The following GPR141 variants were observed in gnomAD, a reference collection of about 807,000 sequenced individuals.
GPR141 encodes probable G protein-coupled receptor 141.
Under a neutral mutation model 6.8 loss-of-function variants are expected in GPR141, and 6 were observed. That is an observed-to-expected ratio of 0.88 (90% confidence interval 0.48 to 1.74). The LOEUF is 1.74. Among genes scored for constraint, GPR141 ranks in the 40% most tolerant of loss-of-function variants. The probability of loss-of-function intolerance (pLI) is 0.01; values close to 1 mark genes in which losing one functional copy is unlikely to be tolerated. For synonymous variants in GPR141, 140 were observed against 142.3 expected (o/e 0.98, Z 0.11); for missense variants, 372 against 372.9 (o/e 1.00, Z 0.02).
chr7:37,695,794 A>C (rs1297696608), intron 2 of GPR141, among the ~76,000 whole-genome samples: 5 of 152,076 alleles, frequency 3.3e-5, no homozygotes, highest in Non-Finnish European at 7.4e-5. Flanking sequence ...TTCTCTTTAA[A>C]CACTTATGTA....
chr7:37,685,668 C>G (rs1809473595), intron 2 of GPR141, 85 bp downstream of exon 2: 1 of 150,620 alleles, frequency 6.6e-6, no homozygotes, highest in African/African-American at 2.4e-5. Flanking sequence ...AGGTTAGTCT[C>G]AAACTCCTGG....
intron 1 of GPR141, chr7:37,685,149 G>A (rs193297196): frequency 6.6e-6 from 1 of 152,150 alleles, no homozygotes; most frequent in Non-Finnish European, 1.5e-5. Flanking sequence ...CTTTGGCTTA[G>A]GTGACACAAT....
chr7:37,726,356 G>A lies in GPR141; in HGVS notation c.-14-14024G>A, dbSNP rs571625973. 1.9e-4 allele frequency among the ~76,000 whole-genome samples: 29 copies of A among 152,224 alleles called. No individual in the cohort carries two copies. The East Asian group carries it at 5.2e-3, about 27-fold the overall frequency. ...TGCTGAGTTGGGAATAGGGGAGTTA[G>A]GAGTAAAAAATGGGAGAATTCATGG... On this transcript the variant is annotated intron_variant, in intron 2 of 2. Coordinates refer to ENST00000334425, the MANE Select transcript of GPR141 (RefSeq NM_001381946.1).
In GPR141 at chr7:37,740,838, C is replaced by T. The variant is rs545002848; in HGVS notation, c.445C>T (p.Pro149Ser). Residue 149 changes from proline to serine, a missense_variant, in exon 3 of 3, where the codon CCC (proline) becomes TCC (serine). Physicochemically the swap from Pro to Ser is moderately conservative, Grantham distance 74. Transcript: ENST00000334425. ...MWTLVIVIVV[P>S]LVVSRYGIHE... ...GACGCTGGTGATTGTCATTGTGGTA[C>T]CCCTGGTTGTCTCCCGGTATGGAAT... 36 of 1,614,112 alleles carry T rather than the reference C, an allele frequency of 2.2e-5. No individual in the cohort carries two copies. In the South Asian group the frequency reaches 3.6e-4, roughly 16 times the overall value.
At chr7:37,702,588 T>A (rs1810327789) in intron 2 of GPR141, among the ~76,000 whole-genome samples, 1 of 151,654 alleles carries the variant, frequency 6.6e-6, no homozygotes, top group African/African-American at 2.4e-5. Flanking sequence ...AGACAGAAAG[T>A]CCCCCCAGGA....
chr7:37,690,222 G>C (rs574400866), intron 2 of GPR141, among the ~76,000 whole-genome samples: 1 of 151,524 alleles, frequency 6.6e-6, no homozygotes, highest in Non-Finnish European at 1.5e-5. Flanking sequence ...GCATTTTTAC[G>C]GTTTTGAACA....
chr7:37,702,973 A>C (rs942580134), intron 2 of GPR141, among the ~76,000 whole-genome samples: 1 of 152,010 alleles, frequency 6.6e-6, no homozygotes, highest in African/African-American at 2.4e-5. Context: ...TTTTGAGGTA[A>C]CATTTCTTCC....
chr7:37,695,612 C>T (rs1357466068), intron 2 of GPR141, among the ~76,000 whole-genome samples: 1 of 152,114 alleles, frequency 6.6e-6, no homozygotes, highest in East Asian at 1.9e-4. Context: ...TGTGGGTATC[C>T]TAAGTTTCCG....
intron 2 of GPR141, among the ~76,000 whole-genome samples, chr7:37,722,210 TAA>T (rs1282510893): frequency 6.6e-6 from 1 of 152,206 alleles, no homozygotes; most frequent in Non-Finnish European, 1.5e-5. Flanking sequence ...TTTATAACAA[TAA>T]GTTAGAAACA....
intron 2 of GPR141, among the ~76,000 whole-genome samples, chr7:37,722,104 C>G (rs1045367591): frequency 5.3e-5 from 8 of 152,184 alleles, no homozygotes; most frequent in African/African-American, 1.9e-4. Flanking sequence ...CAAATACTTT[C>G]ATGTCATATG....
intron 2 of GPR141, among the ~76,000 whole-genome samples, chr7:37,718,265 T>C (rs1295721009): frequency 6.6e-6 from 1 of 152,100 alleles, no homozygotes; most frequent in African/African-American, 2.4e-5. Context: ...TTCCAGTGAT[T>C]TGAGAGGCTG....
chr7:37,714,990 A>G lies in GPR141; in HGVS notation c.-14-25390A>G, dbSNP rs1810978031. Among the ~76,000 whole-genome samples, 4 of 152,214 alleles carry G rather than the reference A, an allele frequency of 2.6e-5. No homozygotes were observed. In the South Asian group the frequency reaches 8.3e-4, roughly 31 times the overall value. ...TTGTCTTTATCCTGAATTCTGCAAA[A>G]CATGTTATAACAAGAATTGTTGGCT... On this transcript the variant is annotated intron_variant, in intron 2 of 2. Coordinates refer to ENST00000334425, the MANE Select transcript of GPR141 (RefSeq NM_001381946.1).
At chr7:37,711,600 A>G (rs1810798606) in intron 2 of GPR141, among the ~76,000 whole-genome samples, 1 of 152,186 alleles carries the variant, frequency 6.6e-6, no homozygotes, top group Non-Finnish European at 1.5e-5. Flanking sequence ...TCAAATCCTT[A>G]AGAAAGATTC....
chr7:37,726,286 G>A (rs949920257), intron 2 of GPR141, among the ~76,000 whole-genome samples: 2 of 152,184 alleles, frequency 1.3e-5, no homozygotes, highest in African/African-American at 2.4e-5. Context: ...ATTGAGATAA[G>A]AAGAATGACA....
At chr7:37,714,958 A>G (rs756541982) in intron 2 of GPR141, among the ~76,000 whole-genome samples, 5 of 152,130 alleles carry the variant, frequency 3.3e-5, no homozygotes, top group Non-Finnish European at 5.9e-5. Flanking sequence ...TCTTTTCTGG[A>G]TATTATTTGT....
At chr7:37,704,653 G>A (rs1160326665) in intron 2 of GPR141, among the ~76,000 whole-genome samples, 1 of 152,134 alleles carries the variant, frequency 6.6e-6, no homozygotes. Context: ...CAGTGTGGTC[G>A]AGTCCAATCT....
At chr7:37,690,168 TG>T (rs1159414290) in intron 2 of GPR141, among the ~76,000 whole-genome samples, 1 of 152,142 alleles carries the variant, frequency 6.6e-6, no homozygotes, top group Non-Finnish European at 1.5e-5. Context: ...TTCAGGAGCA[TG>T]TTTTTTTGTT....
chr7:37,689,325 C>T (rs779243935), intron 2 of GPR141, among the ~76,000 whole-genome samples: 1 of 152,076 alleles, frequency 6.6e-6, no homozygotes, highest in Non-Finnish European at 1.5e-5. Context: ...CATCTGTGCT[C>T]ATCAGGGATA....
intron 2 of GPR141, among the ~76,000 whole-genome samples, chr7:37,715,135 T>C (rs888237445): frequency 2.0e-5 from 3 of 152,212 alleles, no homozygotes; most frequent in African/African-American, 7.2e-5. Flanking sequence ...TTGATTGTGT[T>C]TTAGAGACAG....
Sources: gnomAD v4.1 joint callset for allele counts (sites outside exome capture counted in the v4.1 genomes callset) on GRCh38, gnomAD v4.1.1 for gene constraint, MANE v1.5 for transcripts, NCBI Gene and HGNC (gene_info 2026-07-23, HGNC 2026-07-21) for gene names.